The following DOCK4 variants were observed in gnomAD, a reference collection of about 807,000 sequenced individuals.
DOCK4 encodes the protein dedicator of cytokinesis 4.
DOCK4 carries 97 observed loss-of-function variants against 268.1 expected under a neutral mutation model. That is an observed-to-expected ratio of 0.36 (90% CI 0.31 to 0.43). The LOEUF (loss-of-function observed/expected upper bound fraction) is 0.43, where lower values mean the gene tolerates loss of function less well. Ranked by LOEUF, DOCK4 falls within the 20% of genes least tolerant of loss-of-function variation. The pLI is 1.00. For synonymous variants in DOCK4, 954 were observed against 887.2 expected (o/e 1.08, Z -1.34); for missense variants, 2,145 against 2,455.7 (o/e 0.87, Z 2.67).
intron 1 of DOCK4, among the ~76,000 whole-genome samples, chr7:112,064,944 C>A (rs185243414): frequency 6.6e-6 from 1 of 152,250 alleles, no homozygotes; most frequent in East Asian, 1.9e-4. Flanking sequence ...TCTGGAGAAA[C>A]CAAACCTGCT....
intron 1 of DOCK4, among the ~76,000 whole-genome samples, chr7:112,032,043 A>C (rs1803324188): frequency 6.6e-6 from 1 of 152,188 alleles, no homozygotes; most frequent in Admixed American, 6.5e-5. Context: ...CGCTGAATCC[A>C]CTGCTGTCTG....
At chr7:111,772,992 G>A (rs926347253) in intron 36 of DOCK4, among the ~76,000 whole-genome samples, 2 of 152,162 alleles carry the variant, frequency 1.3e-5, no homozygotes, top group African/African-American at 2.4e-5. Flanking sequence ...ATGACTGAGC[G>A]ATGGCATGGA....
chr7:111,884,385 A>G (rs1807668070), intron 16 of DOCK4, among the ~76,000 whole-genome samples: 1 of 152,226 alleles, frequency 6.6e-6, no homozygotes, highest in Non-Finnish European at 1.5e-5. Flanking sequence ...TATCACAGTC[A>G]GAATTTGAAC....
chr7:111,999,217 G>A (rs1562975822), intron 3 of DOCK4, among the ~76,000 whole-genome samples: 4 of 152,064 alleles, frequency 2.6e-5, no homozygotes, highest in Non-Finnish European at 5.9e-5. Flanking sequence ...AATTTCTAAT[G>A]TATAATTAAA....
chr7:111,815,000 ATTATT>A (rs2133929979), intron 27 of DOCK4, among the ~76,000 whole-genome samples: 1 of 152,348 alleles, frequency 6.6e-6, no homozygotes, highest in East Asian at 1.9e-4. Flanking sequence ...AAAATTATAG[ATTATT>A]TTAAACTTTT....
intron 1 of DOCK4, among the ~76,000 whole-genome samples, chr7:112,151,320 G>A (rs900994501): frequency 2.6e-5 from 4 of 152,046 alleles, no homozygotes; most frequent in African/African-American, 9.7e-5. Flanking sequence ...CTACCTCATA[G>A]GTCTGTAGGA....
At chr7:112,060,479 C>T (rs1445914783) in intron 1 of DOCK4, among the ~76,000 whole-genome samples, 1 of 152,072 alleles carries the variant, frequency 6.6e-6, no homozygotes, top group Non-Finnish European at 1.5e-5. Context: ...TATATACCAA[C>T]AATAATTGAA....
intron 27 of DOCK4, among the ~76,000 whole-genome samples, chr7:111,817,318 A>G (rs1439779323): frequency 6.6e-6 from 1 of 152,186 alleles, no homozygotes; most frequent in African/African-American, 2.4e-5. Flanking sequence ...AAAAATCACA[A>G]TCAAAACAAC....
chr7:112,010,051 A>C (rs554252161), intron 1 of DOCK4, among the ~76,000 whole-genome samples: 1 of 152,302 alleles, frequency 6.6e-6, no homozygotes, highest in Admixed American at 6.5e-5. Context: ...TCCTGAGCTC[A>C]AGCAACTTGC....
Position 111,949,932 on chromosome 7 carries a change from CTT to C in DOCK4, c.702-4136_702-4135del, listed in dbSNP as rs1795921223. ...CAATAATACTGCATTCTTTTTTTTC[CTT>C]TCTTTCTTTTGAGACGGAGTCTCGT... On this transcript the variant is annotated intron_variant, in intron 8 of 52. Coordinates refer to ENST00000428084, the MANE Select transcript of DOCK4 (RefSeq NM_001363540.2). 3.9e-5 allele frequency among the ~76,000 whole-genome samples: 6 copies of C among 151,936 alleles called. No individual in the cohort carries two copies. The South Asian group carries it at 1.2e-3, about 31-fold the overall frequency.
At chr7:111,864,631 GATGCCAGCGCCATCAA>G (rs1805824981) in intron 22 of DOCK4, among the ~76,000 whole-genome samples, 1 of 152,152 alleles carries the variant, frequency 6.6e-6, no homozygotes, top group Non-Finnish European at 1.5e-5. Flanking sequence ...ATCTGTTTTT[GATGCCAGCGCCATCAA>G]AATACTCCAG....
At chr7:112,190,245 T>G (rs79514716) in intron 1 of DOCK4, among the ~76,000 whole-genome samples, 4,825 of 152,140 alleles carry the variant, frequency 0.032, 103 homozygotes, top group Middle Eastern at 0.082. Context: ...AAATCAAAGC[T>G]GAACCACACA....
intron 1 of DOCK4, among the ~76,000 whole-genome samples, chr7:112,195,630 A>G (rs556390044): frequency 4.9e-4 from 74 of 151,900 alleles, no homozygotes; most frequent in Non-Finnish European, 8.7e-4. Context: ...CCTTATGTAC[A>G]TGCATCCCCA....
At chr7:111,871,730 G>A (rs1806443231) in intron 20 of DOCK4, among the ~76,000 whole-genome samples, 1 of 152,204 alleles carries the variant, frequency 6.6e-6, no homozygotes, top group Non-Finnish European at 1.5e-5. Context: ...AATATCCAGT[G>A]AAACAGAGAC....
intron 1 of DOCK4, among the ~76,000 whole-genome samples, chr7:112,102,630 A>G (rs1183366186): frequency 6.6e-6 from 1 of 152,150 alleles, no homozygotes; most frequent in Non-Finnish European, 1.5e-5. Flanking sequence ...ACATGTGAGG[A>G]CACAGTGAGA....
rs959661677 is a variant in DOCK4 at position 111,727,131 on chromosome 7, C to T, written c.*1143G>A. ...GCTTTTTTCACACTTCTACAACTGG[C>T]ATTAGCATCCCTATCTAGACCTAAG... On this transcript the variant is annotated 3_prime_UTR_variant, in exon 53 of 53. Coordinates refer to ENST00000428084, the MANE Select transcript of DOCK4 (RefSeq NM_001363540.2). 3.9e-5 allele frequency: 6 copies of T among 152,580 alleles called. No individual in the cohort carries two copies. The highest frequency in any genetic ancestry group is 9.7e-5 in the African/African-American group (4 of 41,444). 9.5% of individuals were successfully genotyped at this position (152,580 alleles called of 1,614,324 possible). A position where few individuals can be genotyped will look rare whatever the true frequency, so the allele number is the denominator to read the frequency against.
intron 1 of DOCK4, among the ~76,000 whole-genome samples, chr7:112,065,362 T>C (rs1193404456): frequency 1.3e-5 from 2 of 152,040 alleles, no homozygotes; most frequent in Non-Finnish European, 2.9e-5. Flanking sequence ...CTTCCCTCTC[T>C]GGGAAGCTCT....
intron 37 of DOCK4, among the ~76,000 whole-genome samples, chr7:111,767,438 A>G (rs1585922008): frequency 6.6e-6 from 1 of 151,738 alleles, no homozygotes; most frequent in Non-Finnish European, 1.5e-5. Flanking sequence ...TGTTGGCCAG[A>G]ATGGTCTTGA....
chr7:111,728,371 G>GGCTT lies in DOCK4; in HGVS notation c.5827_5830dup (p.Pro1944GlnfsTer18). 6.5e-7 allele frequency: 1 copy of GGCTT among 1,539,066 alleles called. No homozygotes were observed. Among genetic ancestry groups the GGCTT allele is most frequent in the Non-Finnish European group, 8.7e-7 (1 of 1,143,426 alleles). ...CAGGTGGCTGGATCGCGCTGCCAGA[G>GGCTT]GCTTGGGGGGCAGCGCGGGCGGCTC... is the stretch of plus-strand genomic sequence containing the variant. On this transcript the variant is annotated frameshift_variant, in exon 53 of 53. Transcript: ENST00000428084. LOFTEE classifies it high-confidence loss of function.
Sources: allele counts gnomAD v4.1 joint callset (sites outside exome capture counted in the v4.1 genomes callset), GRCh38; gene constraint gnomAD v4.1.1; transcripts MANE v1.5; gene names NCBI Gene and HGNC (gene_info 2026-07-23, HGNC 2026-07-21).